SPIRE1: variants seen among roughly 807,000 people sequenced by gnomAD.
SPIRE1 encodes protein spire homolog 1.
Under a neutral mutation model 94.1 loss-of-function variants are expected in SPIRE1, and 40 were observed. The observed-to-expected ratio is 0.43, with a 90% CI of 0.33 to 0.55. SPIRE1 has a LOEUF of 0.55. SPIRE1 is among the 20% of genes least tolerant of loss of function. The probability of loss-of-function intolerance (pLI) is 0.06; values close to 1 mark genes in which losing one functional copy is unlikely to be tolerated. For synonymous variants in SPIRE1, 376 were observed against 371.7 expected, an observed-to-expected ratio of 1.01 and a Z score of -0.13; for missense variants, 838 against 975.2, an observed-to-expected ratio of 0.86 and a Z score of 1.87.
At chr18:12,570,414 C>T (rs2035934128) in intron 2 of SPIRE1, among the ~76,000 whole-genome samples, 1 of 152,192 alleles carries the variant, frequency 6.6e-6, no homozygotes, top group Non-Finnish European at 1.5e-5. Context: ...CAAACAGTAG[C>T]TGCTATTGCC....
At chr18:12,658,362 G>T, upstream of SPIRE1, 1 of 399,898 alleles carries the variant, frequency 2.5e-6, no homozygotes, top group Non-Finnish European at 5.0e-6. Context: ...GGCGACGCAC[G>T]GTCCGGAGGG....
chr18:12,601,232 G>A (rs867024920), intron 2 of SPIRE1, among the ~76,000 whole-genome samples: 4 of 151,554 alleles, frequency 2.6e-5, no homozygotes, highest in Middle Eastern at 3.4e-3. Flanking sequence ...CAGCCAACAC[G>A]GCAAAACCCC....
intron 8 of SPIRE1, among the ~76,000 whole-genome samples, chr18:12,489,177 G>A (rs549715063): frequency 3.2e-4 from 49 of 152,196 alleles, no homozygotes; most frequent in African/African-American, 1.2e-3. Context: ...GACAGTGCGA[G>A]ACTCCGTCTC....
intron 10 of SPIRE1, among the ~76,000 whole-genome samples, chr18:12,468,505 T>TC (rs1476182952): frequency 6.6e-6 from 1 of 152,176 alleles, no homozygotes; most frequent in African/African-American, 2.4e-5. Context: ...CTATGAAACC[T>TC]CCAAATTGGA....
intron 2 of SPIRE1, among the ~76,000 whole-genome samples, chr18:12,625,194 A>G (rs1219084319): frequency 3.3e-5 from 5 of 152,192 alleles, no homozygotes; most frequent in East Asian, 3.8e-4. Flanking sequence ...CAAGACCTCT[A>G]TTAAAATTGA....
At chr18:12,506,747 G>T in intron 5 of SPIRE1, 106 bp from the exon 6 acceptor site, 3 of 1,111,730 alleles carry the variant, frequency 2.7e-6, no homozygotes, top group Non-Finnish European at 3.9e-6. Context: ...AAAACAATGA[G>T]TAAACCAACA....
chr18:12,608,197 T>C (rs2037041246), intron 2 of SPIRE1, among the ~76,000 whole-genome samples: 1 of 151,534 alleles, frequency 6.6e-6, no homozygotes, highest in Admixed American at 6.6e-5. Context: ...CATAAATATA[T>C]CCACCTACTA....
At chr18:12,504,039 C>A (rs2033749961) in intron 6 of SPIRE1, among the ~76,000 whole-genome samples, 1 of 147,464 alleles carries the variant, frequency 6.8e-6, no homozygotes, top group Non-Finnish European at 1.5e-5. Flanking sequence ...TGCCTTGTAA[C>A]CAGCTGTCTG....
upstream of SPIRE1, chr18:12,658,674 C>T: frequency 2.2e-6 from 1 of 453,228 alleles, no homozygotes; most frequent in South Asian, 1.6e-5. Context: ...GGCCCTGGGC[C>T]CTGAAAGCCT....
At chr18:12,604,447 G>C (rs1288269143) in intron 2 of SPIRE1, among the ~76,000 whole-genome samples, 1 of 152,138 alleles carries the variant, frequency 6.6e-6, no homozygotes, top group Non-Finnish European at 1.5e-5. Flanking sequence ...GAGTCAAGGA[G>C]ATAAAAACTG....
rs528690939 is a variant in SPIRE1 at position 12,623,017 on chromosome 18, T to C, written c.372+12045A>G. Among the ~76,000 whole-genome samples, 403 of 152,326 alleles carry C rather than the reference T, an allele frequency of 2.6e-3. 5 individuals carry two copies. The highest frequency in any genetic ancestry group is 9.0e-3 in the African/African-American group (374 of 41,574). On this transcript the variant is annotated intron_variant, in intron 2 of 16. Coordinates refer to ENST00000409402, the MANE Select transcript of SPIRE1 (RefSeq NM_001128626.2). The stretch of plus-strand genomic sequence containing the variant: ...TGGCACACAACAGATGCTCAATTAA[T>C]GTGTCAATATTGTTATGTACCTAAG...
intron 10 of SPIRE1, among the ~76,000 whole-genome samples, chr18:12,467,453 G>C (rs1291370810): frequency 6.6e-6 from 1 of 152,158 alleles, no homozygotes; most frequent in African/African-American, 2.4e-5. Flanking sequence ...ATCTTTTTCT[G>C]TTTACAGAAG....
At chr18:12,543,454 G>T (rs962115461) in intron 3 of SPIRE1, among the ~76,000 whole-genome samples, 1 of 152,086 alleles carries the variant, frequency 6.6e-6, no homozygotes, top group East Asian at 1.9e-4. Context: ...AATAATTCTA[G>T]ATTTAATGTT....
intron 2 of SPIRE1, among the ~76,000 whole-genome samples, chr18:12,621,996 G>T (rs1047045267): frequency 1.3e-5 from 2 of 152,106 alleles, no homozygotes; most frequent in African/African-American, 4.8e-5. Flanking sequence ...ACCAAATTGA[G>T]AGAATATGTC....
intron 2 of SPIRE1, among the ~76,000 whole-genome samples, chr18:12,598,918 T>A (rs2036755100): frequency 6.6e-6 from 1 of 152,194 alleles, no homozygotes; most frequent in South Asian, 2.1e-4. Context: ...GATATAATTT[T>A]AAACTTACAG....
At chr18:12,584,688 G>T (rs1411951415) in intron 2 of SPIRE1, among the ~76,000 whole-genome samples, 1 of 152,100 alleles carries the variant, frequency 6.6e-6, no homozygotes, top group East Asian at 1.9e-4. Context: ...CTAGCTACTT[G>T]GTGGCTGAGA....
rs2035191119 is a variant in SPIRE1, at chr18:12,546,920, A to G, written c.373-16T>C. 1 of 1,579,314 alleles carries G rather than the reference A, an allele frequency of 6.3e-7. No homozygotes were observed. The highest frequency in any genetic ancestry group is 2.2e-5 in the East Asian group (1 of 44,570). ...ATTCAATGACCTAGGAACATTTAAA[A>G]AAGTGGTTAATGGAGATGAATGAAG... is the stretch of plus-strand genomic sequence containing the variant. On this transcript the variant is annotated splice_polypyrimidine_tract_variant and intron_variant, in intron 2 of 16. Coordinates refer to ENST00000409402, the MANE Select transcript of SPIRE1 (RefSeq NM_001128626.2).
chr18:12,591,877 G>A (rs1598504451), intron 2 of SPIRE1, among the ~76,000 whole-genome samples: 1 of 149,166 alleles, frequency 6.7e-6, no homozygotes, highest in African/African-American at 2.5e-5. Flanking sequence ...GCTGATGCAG[G>A]AGAATGGCGT....
intron 2 of SPIRE1, among the ~76,000 whole-genome samples, chr18:12,612,770 A>C (rs2037179151): frequency 6.6e-6 from 1 of 152,230 alleles, no homozygotes; most frequent in Non-Finnish European, 1.5e-5. Flanking sequence ...GGTGCATGGC[A>C]GGTGCATGCC....
Sources: allele counts gnomAD v4.1 joint callset (sites outside exome capture counted in the v4.1 genomes callset), GRCh38; gene constraint gnomAD v4.1.1; transcripts MANE v1.5; gene names NCBI Gene and HGNC (gene_info 2026-07-23, HGNC 2026-07-21).